COG3: variants seen among roughly 807,000 people sequenced by gnomAD.
COG3 encodes conserved oligomeric Golgi complex subunit 3.
In COG3, 32 loss-of-function variants were observed where a neutral mutation model predicts 114.1. The observed-to-expected ratio is 0.28, with a 90% CI of 0.21 to 0.38. COG3 has a LOEUF of 0.38. Ranked by LOEUF, COG3 falls within the 10% of genes least tolerant of loss-of-function variation. The pLI, the probability that COG3 is intolerant of heterozygous loss-of-function variation, is 1.00. For missense variants in COG3, 813 were observed against 973.2 expected (o/e 0.84, Z 2.19); for synonymous variants, 352 against 365.7 (o/e 0.96, Z 0.43).
chr13:45,524,149 G>A (rs1184743826), intron 19 of COG3, among the ~76,000 whole-genome samples: 1 of 152,158 alleles, frequency 6.6e-6, no homozygotes, highest in Non-Finnish European at 1.5e-5. Flanking sequence ...ATGTTTGTAT[G>A]GCCTTTTGTC....
At chr13:45,496,368 A>C in intron 13 of COG3, 56 bp downstream of exon 13, 2 of 1,260,072 alleles carry the variant, frequency 1.6e-6, no homozygotes, top group Non-Finnish European at 2.0e-6. Context: ...TAGATGTTTT[A>C]TTTATTATTT....
Position 45,525,634 on chromosome 13 carries a change from G to GTTTTTTTTTTTTTTTT in COG3, c.2230+586_2230+601dup, listed in dbSNP as rs59577529. ...ATTTTTTTGTGCTGGAGGGCTTTGG[G>GTTTTTTTTTTTTTTTT]TTTTTTTTTTTTTTTTTTGGTCTTT... On this transcript the variant is annotated intron_variant, in intron 20 of 22. Coordinates refer to ENST00000349995, the MANE Select transcript of COG3 (RefSeq NM_031431.4). Among the ~76,000 whole-genome samples, 135 of 56,598 alleles carry GTTTTTTTTTTTTTTTT rather than the reference G, an allele frequency of 2.4e-3. 4 individuals are homozygous for GTTTTTTTTTTTTTTTT. Among genetic ancestry groups the GTTTTTTTTTTTTTTTT allele is most frequent in the African/African-American group, 2.9e-3 (37 of 12,962 alleles). The allele number at this position is 56,598 out of a possible 152,430, so 37.1% of individuals were successfully genotyped here.
intron 1 of COG3, among the ~76,000 whole-genome samples, chr13:45,471,151 C>A (rs975241388): frequency 2.0e-5 from 3 of 152,114 alleles, no homozygotes; most frequent in Non-Finnish European, 4.4e-5. Flanking sequence ...CCCCTGTAAT[C>A]CCAGCACTTT....
chr13:45,498,648 G>A (rs1421296304), intron 13 of COG3, among the ~76,000 whole-genome samples: 1 of 151,252 alleles, frequency 6.6e-6, no homozygotes, highest in East Asian at 1.9e-4. Context: ...TTTTTGTTTT[G>A]TTTTGTTTTG....
chr13:45,534,728 A>G lies in COG3; in HGVS notation c.2484A>G (p.Lys828=), dbSNP rs939643884. The change falls in exon 23 of 23, where the codon AAA becomes AAG. Residue 828 remains lysine, a synonymous_variant. Coordinates refer to ENST00000349995, the MANE Select transcript of COG3 (RefSeq NM_031431.4). ...TGAGCCTTCTGCTGTTGGTTTCTAA[A>G]TAAGCAGGCCAGCCGGGCTGTGCAC... is the stretch of plus-strand genomic sequence containing the variant. ...EQLSLLLLVS[K] is the part of the protein sequence containing the mutation. 6.4e-7 allele frequency: 1 copy of G among 1,563,630 alleles called. No individual in the cohort carries two copies. Among genetic ancestry groups the G allele is most frequent in the Non-Finnish European group, 8.7e-7 (1 of 1,153,164 alleles).
At chr13:45,495,353 G>A (rs376407445) in intron 12 of COG3, among the ~76,000 whole-genome samples, 58 of 151,980 alleles carry the variant, frequency 3.8e-4, no homozygotes, top group African/African-American at 1.4e-3. Context: ...TTACTAGTGT[G>A]TCTTAACATT....
At chr13:45,531,737 C>T (rs1873182654) in intron 22 of COG3, among the ~76,000 whole-genome samples, 1 of 152,032 alleles carries the variant, frequency 6.6e-6, no homozygotes, top group East Asian at 1.9e-4. Context: ...AACTCCTGGC[C>T]TCAAGTGATC....
chr13:45,500,431 A>G (rs1869402145), intron 13 of COG3, among the ~76,000 whole-genome samples: 1 of 152,194 alleles, frequency 6.6e-6, no homozygotes, highest in South Asian at 2.1e-4. Context: ...TTTTGTCACA[A>G]AGTGCCAATC....
At position 45,536,677 on chromosome 13, in the gene COG3, T is replaced by G. The variant is rs1873565416; in HGVS notation, c.*1946T>G. 1 of 152,232 alleles carries G rather than the reference T, an allele frequency of 6.6e-6. No homozygotes were observed. Among genetic ancestry groups the G allele is most frequent in the Non-Finnish European group, 1.5e-5 (1 of 68,046 alleles). 9.4% of individuals were successfully genotyped at this position (152,232 alleles called of 1,614,324 possible). A position where few individuals can be genotyped will look rare whatever the true frequency, so the allele number is the denominator to read the frequency against. Reference sequence around the variant, plus strand: ...TGTGCATTCCTTGAGGAAAATTTCTTTAATTAAAATTTTAATTGAGATAAC... The same window carrying G: ...TGTGCATTCCTTGAGGAAAATTTCTGTAATTAAAATTTTAATTGAGATAAC... On this transcript the variant is annotated 3_prime_UTR_variant, in exon 23 of 23. Transcript: ENST00000349995.
chr13:45,527,211 T>C (rs750797618), intron 20 of COG3, among the ~76,000 whole-genome samples: 8 of 152,218 alleles, frequency 5.3e-5, no homozygotes, highest in Non-Finnish European at 1.2e-4. Flanking sequence ...TATTGTGCTC[T>C]TAAGCATTAC....
chr13:45,494,112 G>T (rs997091671), intron 12 of COG3, among the ~76,000 whole-genome samples: 3 of 152,010 alleles, frequency 2.0e-5, no homozygotes, highest in African/African-American at 7.3e-5. Flanking sequence ...ATCACCTGAG[G>T]TCAGGAGTTC....
intron 20 of COG3, 143 bp from the exon 21 acceptor site, chr13:45,529,648 C>A: frequency 3.3e-6 from 2 of 611,578 alleles, no homozygotes; most frequent in Admixed American, 3.2e-5. Flanking sequence ...GGTAAATAAG[C>A]TATAAAAATG....
chr13:45,530,817 C>G (rs1169186335), intron 22 of COG3, 37 bp downstream of exon 22: 1 of 1,593,708 alleles, frequency 6.3e-7, no homozygotes, highest in Non-Finnish European at 8.6e-7. Context: ...TACTTTTATG[C>G]CCTCTTGGTT....
At position 45,532,600 on chromosome 13, in the gene COG3, C is replaced by T. The variant is rs894520081; in HGVS notation, c.2457+1820C>T. Among the ~76,000 whole-genome samples the T allele has an allele frequency of 1.1e-4, 14 of 127,684 alleles. No individual in the cohort carries two copies. In the South Asian group the frequency reaches 3.2e-3, roughly 30 times the overall value. The allele number at this position is 127,684 out of a possible 152,430, so 83.8% of individuals were successfully genotyped here. The stretch of plus-strand genomic sequence containing the variant: ...TTTTTTTTTTTTTGAGTTGGAGTCT[C>T]GCTCTGTCACCCAGGCTGGAGTGCA... On this transcript the variant is annotated intron_variant, in intron 22 of 22. Coordinates refer to ENST00000349995, the MANE Select transcript of COG3 (RefSeq NM_031431.4).
chr13:45,507,541 G>T (rs1870296526), intron 14 of COG3, among the ~76,000 whole-genome samples: 2 of 152,120 alleles, frequency 1.3e-5, no homozygotes, highest in Non-Finnish European at 2.9e-5. Context: ...GAGGTGGGCA[G>T]ATCACCCACG....
chr13:45,482,530 C>A, intron 6 of COG3, 57 bp downstream of exon 6: 1 of 828,030 alleles, frequency 1.2e-6, no homozygotes, highest in South Asian at 1.6e-5. Flanking sequence ...TATTCCTGTT[C>A]CTATCTTTTT....
At chr13:45,508,848 G>T (rs1449976332) in intron 14 of COG3, among the ~76,000 whole-genome samples, 1 of 152,132 alleles carries the variant, frequency 6.6e-6, no homozygotes, top group African/African-American at 2.4e-5. Flanking sequence ...GGGGAAGCCC[G>T]CTCTGGTCAC....
rs550265194 is a variant in COG3 at position 45,478,551 on chromosome 13, T to G, written c.322-454T>G. On this transcript the variant is annotated intron_variant, in intron 2 of 22. Coordinates refer to ENST00000349995, the MANE Select transcript of COG3 (RefSeq NM_031431.4). ...GCAATGGCGCGATCTCGGCTCGCTG[T>G]GATCTTGGCTCACTGCAACCTCTGC... 3.9e-3 allele frequency among the ~76,000 whole-genome samples: 586 copies of G among 151,798 alleles called. 3 individuals are homozygous for G. Among genetic ancestry groups the G allele is most frequent in the Non-Finnish European group, 6.2e-3 (418 of 67,918 alleles).
chr13:45,481,198 A>G, intron 4 of COG3, 32 bp from the exon 5 acceptor site: 1 of 1,216,582 alleles, frequency 8.2e-7, no homozygotes, highest in Non-Finnish European at 1.2e-6. Context: ...TATTCTTATA[A>G]TAATTGATTT....
Sources: gnomAD v4.1 joint callset for allele counts (sites outside exome capture counted in the v4.1 genomes callset) on GRCh38, gnomAD v4.1.1 for gene constraint, MANE v1.5 for transcripts, NCBI Gene and HGNC (gene_info 2026-07-23, HGNC 2026-07-21) for gene names.